Variants in NBAS observed in about 807,000 individuals in gnomAD.
NBAS encodes NAG/BC035112 fusion.
Under a neutral mutation model 302.5 loss-of-function variants are expected in NBAS, and 219 were observed. The observed-to-expected ratio is 0.72, with a 90% CI of 0.65 to 0.81. NBAS has a LOEUF of 0.81. Among genes scored for constraint, NBAS ranks in the 30% least tolerant of loss-of-function variants. The pLI is 0.00. For synonymous variants in NBAS, 1,118 were observed against 1,021.6 expected (o/e 1.09, Z -1.80); for missense variants, 2,932 against 2,841.6 (o/e 1.03, Z -0.72).
At chr2:15,272,346 T>C (rs1397641103) in intron 44 of NBAS, among the ~76,000 whole-genome samples, 4 of 152,246 alleles carry the variant, frequency 2.6e-5, no homozygotes, top group Non-Finnish European at 5.9e-5. Flanking sequence ...TTTACATTTT[T>C]AACATCATGT....
chr2:14,909,366 T>TAAAAAAAAAAAAAAAAA, the NBAS span, among the ~76,000 whole-genome samples: 769 of 78,394 alleles, frequency 9.8e-3, 46 homozygotes, highest in Non-Finnish European at 0.012. Context: ...GGAGAGTTTC[T>TAAAAAAAAAAAAAAAAA]AAAAAAAAAA....
the NBAS span, among the ~76,000 whole-genome samples, chr2:14,842,675 T>A: frequency 1.3e-5 from 2 of 151,612 alleles, no homozygotes; most frequent in East Asian, 1.9e-4. Context: ...TAATGAAAAG[T>A]CAACCATCAA....
chr2:15,472,323 G>C (rs759653318), intron 16 of NBAS, among the ~76,000 whole-genome samples: 1 of 152,116 alleles, frequency 6.6e-6, no homozygotes, highest in Non-Finnish European at 1.5e-5. Flanking sequence ...TCCTCCCTCT[G>C]TTGACAACCT....
the NBAS span, among the ~76,000 whole-genome samples, chr2:15,071,346 C>T: frequency 6.6e-6 from 1 of 152,160 alleles, no homozygotes; most frequent in Non-Finnish European, 1.5e-5. Context: ...CACAAAGGGG[C>T]CGGGCGCGGT....
At chr2:15,058,362 T>C in the NBAS span, among the ~76,000 whole-genome samples, 1 of 152,194 alleles carries the variant, frequency 6.6e-6, no homozygotes, top group Non-Finnish European at 1.5e-5. Context: ...ACAACAAAAA[T>C]TGTCCAGTCC....
intron 44 of NBAS, among the ~76,000 whole-genome samples, chr2:15,258,267 A>T (rs1227591561): frequency 6.6e-6 from 1 of 152,146 alleles, no homozygotes; most frequent in Non-Finnish European, 1.5e-5. Flanking sequence ...AACTGTACAA[A>T]TTGATTGTAA....
intron 38 of NBAS, among the ~76,000 whole-genome samples, chr2:15,311,145 A>C (rs1039763876): frequency 6.6e-6 from 1 of 152,258 alleles, no homozygotes; most frequent in Non-Finnish European, 1.5e-5. Context: ...ATGGTGTGGG[A>C]ACACCCAATA....
At chr2:14,974,116 A>T in the NBAS span, among the ~76,000 whole-genome samples, 1 of 152,214 alleles carries the variant, frequency 6.6e-6, no homozygotes, top group Non-Finnish European at 1.5e-5. Context: ...TTTATTTAAA[A>T]CACCACAACT....
chr2:14,877,195 C>T, the NBAS span, among the ~76,000 whole-genome samples: 1 of 152,158 alleles, frequency 6.6e-6, no homozygotes, highest in Non-Finnish European at 1.5e-5. Context: ...GTGGCCCATA[C>T]TTTTTCCAAG....
intron 13 of NBAS, among the ~76,000 whole-genome samples, chr2:15,477,285 G>A (rs796248878): frequency 4.0e-5 from 6 of 150,514 alleles, no homozygotes; most frequent in African/African-American, 9.8e-5. Context: ...TTTTTGAGAC[G>A]AACTCTCACT....
the NBAS span, among the ~76,000 whole-genome samples, chr2:14,954,066 T>C: frequency 6.6e-6 from 1 of 152,176 alleles, no homozygotes; most frequent in African/African-American, 2.4e-5. Context: ...GAAACCAAAG[T>C]GGTCTGACGA....
chr2:14,953,467 G>A, the NBAS span, among the ~76,000 whole-genome samples: 185 of 152,336 alleles, frequency 1.2e-3, 2 homozygotes, highest in African/African-American at 4.2e-3. Context: ...CACAATGAAA[G>A]GGTGCAGTCA....
At chr2:15,373,275 G>A (rs537052511) in intron 31 of NBAS, among the ~76,000 whole-genome samples, 2 of 152,184 alleles carry the variant, frequency 1.3e-5, no homozygotes, top group East Asian at 3.9e-4. Context: ...TTATAATCAC[G>A]TACAAATTGT....
chr2:15,407,086 T>C (rs1044910027), intron 25 of NBAS, among the ~76,000 whole-genome samples: 1 of 152,204 alleles, frequency 6.6e-6, no homozygotes, highest in Non-Finnish European at 1.5e-5. Context: ...GGTTATTCAT[T>C]GAAGCACTGC....
chr2:14,780,562 C>G, the NBAS span, among the ~76,000 whole-genome samples: 1 of 152,234 alleles, frequency 6.6e-6, no homozygotes, highest in Non-Finnish European at 1.5e-5. Flanking sequence ...TCACTCTCCT[C>G]AATTATCCAA....
At chr2:14,902,578 A>G in the NBAS span, among the ~76,000 whole-genome samples, 1 of 152,228 alleles carries the variant, frequency 6.6e-6, no homozygotes, top group Non-Finnish European at 1.5e-5. Context: ...GAAAATGGCC[A>G]GGGAGATGGT....
At position 15,473,261 on chromosome 2, in the gene NBAS, C is replaced by T. The variant is rs200878036; in HGVS notation, c.1686G>A (p.Arg562=). The T allele has an allele frequency of 5.6e-6, 9 of 1,614,136 alleles. No individual in the cohort carries two copies. The highest frequency in any genetic ancestry group is 1.6e-4 in the Middle Eastern group (1 of 6,062). ...DTDLVYQRQW[R]KSAVNVASIQ... is the part of the protein sequence containing the mutation. ...TTGAAGCAACGTTGACCGCTGACTT[C>T]CTCCACTGCCTCTGATATACAAGGT... The change falls in exon 16 of 52, where the codon AGG becomes AGA. Residue 562 remains arginine (R), a synonymous_variant. Coordinates refer to ENST00000281513, the MANE Select transcript of NBAS (RefSeq NM_015909.4).
At chr2:14,972,535 C>T in the NBAS span, among the ~76,000 whole-genome samples, 1 of 152,148 alleles carries the variant, frequency 6.6e-6, no homozygotes, top group Admixed American at 6.5e-5. Flanking sequence ...ATTTATTTGC[C>T]ATACATATGA....
chr2:15,290,632 A>C (rs554087044), intron 41 of NBAS, among the ~76,000 whole-genome samples: 3 of 152,164 alleles, frequency 2.0e-5, no homozygotes, highest in South Asian at 2.1e-4. Context: ...CCCAAGCTCA[A>C]CTCCTGGCTG....
Sources: allele counts gnomAD v4.1 joint callset (sites outside exome capture counted in the v4.1 genomes callset), GRCh38; gene constraint gnomAD v4.1.1; transcripts MANE v1.5; gene names NCBI Gene and HGNC (gene_info 2026-07-23, HGNC 2026-07-21).